Variants in EPM2A observed in about 807,000 individuals in gnomAD.
The protein encoded by EPM2A is EPM2A glucan phosphatase, laforin.
EPM2A carries 21 observed loss-of-function variants against 26.5 expected under a neutral mutation model. The observed-to-expected ratio is 0.79, with a 90% CI of 0.56 to 1.14. The LOEUF is 1.14. Ranked by LOEUF, EPM2A falls within the 50% of genes most tolerant of loss-of-function variation. EPM2A has a pLI of 0.00. For missense variants in EPM2A, 458 were observed against 440.8 expected, an observed-to-expected ratio of 1.04 and a Z score of -0.35; for synonymous variants, 217 against 177.6, an observed-to-expected ratio of 1.22 and a Z score of -1.76.
intron 4 of EPM2A, among the ~76,000 whole-genome samples, chr6:145,442,595 T>C (rs1779079354): frequency 2.0e-5 from 3 of 152,184 alleles, no homozygotes; most frequent in Admixed American, 2.0e-4. Context: ...CATTGGGTCC[T>C]TCCACAGCTC....
intron 2 of EPM2A, among the ~76,000 whole-genome samples, chr6:145,664,794 A>G (rs1431902892): frequency 1.3e-5 from 2 of 152,002 alleles, no homozygotes; most frequent in African/African-American, 4.8e-5. Flanking sequence ...GTAAAAGAAC[A>G]GAAATTATAA....
chr6:145,706,760 T>C (rs1022756175), intron 1 of EPM2A, among the ~76,000 whole-genome samples: 4 of 152,236 alleles, frequency 2.6e-5, no homozygotes, highest in African/African-American at 9.6e-5. Flanking sequence ...TAATTTTATA[T>C]TGTATAATTG....
chr6:145,474,678 A>G (rs1779520142), intron 4 of EPM2A, among the ~76,000 whole-genome samples: 1 of 152,190 alleles, frequency 6.6e-6, no homozygotes. Context: ...CAGATTGAAC[A>G]GGCAACCTAC....
chr6:145,546,574 T>G (rs962712274), intron 2 of EPM2A, among the ~76,000 whole-genome samples: 5 of 152,138 alleles, frequency 3.3e-5, no homozygotes, highest in African/African-American at 1.2e-4. Context: ...ACATCACAAT[T>G]GTAATTAATT....
chr6:145,688,893 A>G (rs55852409), intron 1 of EPM2A, among the ~76,000 whole-genome samples: 1 of 152,212 alleles, frequency 6.6e-6, no homozygotes, highest in African/African-American at 2.4e-5. Flanking sequence ...GATGGAGGGG[A>G]ACTGTCATAG....
intron 2 of EPM2A, among the ~76,000 whole-genome samples, chr6:145,676,598 T>C (rs1377389737): frequency 1.3e-5 from 2 of 151,694 alleles, no homozygotes; most frequent in African/African-American, 4.8e-5. Context: ...AAAGAAGATA[T>C]CACCACCGAT....
intron 2 of EPM2A, among the ~76,000 whole-genome samples, chr6:145,562,993 G>A (rs905737632): frequency 6.6e-6 from 1 of 151,440 alleles, no homozygotes; most frequent in Non-Finnish European, 1.5e-5. Flanking sequence ...AAGCCACACA[G>A]GCATTGAGAG....
At chr6:145,717,157 A>G (rs1043190598) in intron 1 of EPM2A, among the ~76,000 whole-genome samples, 4 of 152,154 alleles carry the variant, frequency 2.6e-5, no homozygotes, top group African/African-American at 9.7e-5. Context: ...GGGCAGAGAC[A>G]CAACCAAAAA....
At chr6:145,487,151 C>A (rs1214741535) in intron 4 of EPM2A, among the ~76,000 whole-genome samples, 1 of 152,134 alleles carries the variant, frequency 6.6e-6, no homozygotes, top group African/African-American at 2.4e-5. Context: ...TGCATCCATG[C>A]CCTTGCAAAG....
At chr6:145,525,172 C>T (rs1780253809) in intron 2 of EPM2A, among the ~76,000 whole-genome samples, 1 of 151,872 alleles carries the variant, frequency 6.6e-6, no homozygotes, top group African/African-American at 2.4e-5. Flanking sequence ...TTTACTGCAG[C>T]CTTACAGTAC....
At chr6:145,404,106 T>G (rs868273447) in intron 4 of EPM2A, among the ~76,000 whole-genome samples, 8 of 152,084 alleles carry the variant, frequency 5.3e-5, no homozygotes, top group Admixed American at 3.3e-4. Context: ...ATTTTTTTTA[T>G]CAGATTATTA....
intron 1 of EPM2A, among the ~76,000 whole-genome samples, chr6:145,715,883 A>G (rs1257654928): frequency 6.6e-6 from 1 of 152,192 alleles, no homozygotes; most frequent in African/African-American, 2.4e-5. Context: ...GAGTTGTATA[A>G]TTATTTCATT....
chr6:145,543,174 T>C (rs1044436818), intron 2 of EPM2A, among the ~76,000 whole-genome samples: 3 of 152,174 alleles, frequency 2.0e-5, no homozygotes, highest in African/African-American at 7.2e-5. Context: ...AATATGGCCT[T>C]AAAAAAGATA....
intron 2 of EPM2A, among the ~76,000 whole-genome samples, chr6:145,543,797 A>T (rs891764633): frequency 1.3e-5 from 2 of 151,998 alleles, no homozygotes; most frequent in African/African-American, 4.8e-5. Context: ...CCACTGGGCC[A>T]TTTTCCCCCT....
In EPM2A at chr6:145,517,993, A is replaced by T. The variant is rs567059008; in HGVS notation, c.341-15418T>A. On this transcript the variant is annotated intron_variant, in intron 2 of 3. Coordinates refer to the EPM2A transcript ENST00000450221. Reference sequence around the variant, plus strand: ...GAGATTCCTAAGGCCACGCCAATTGATAACCACTTAAAAGTTTTGCCTCCT... The same window carrying T: ...GAGATTCCTAAGGCCACGCCAATTGTTAACCACTTAAAAGTTTTGCCTCCT... 1.1e-3 allele frequency among the ~76,000 whole-genome samples: 173 copies of T among 152,326 alleles called. 1 individual carries two copies. Among genetic ancestry groups the T allele is most frequent in the African/African-American group, 4.0e-3 (167 of 41,568 alleles).
chr6:145,478,719 TG>T (rs1360776478), intron 4 of EPM2A, among the ~76,000 whole-genome samples: 3 of 151,798 alleles, frequency 2.0e-5, no homozygotes, highest in African/African-American at 7.2e-5. Flanking sequence ...TATTTTTAGT[TG>T]TTATAGTTGT....
At chr6:145,566,634 G>A (rs1007969774) in intron 2 of EPM2A, among the ~76,000 whole-genome samples, 1 of 152,176 alleles carries the variant, frequency 6.6e-6, no homozygotes, top group Non-Finnish European at 1.5e-5. Flanking sequence ...ATAAGCTTAA[G>A]AGAGCAAAAA....
At chr6:145,651,583 C>A (rs117610178) in intron 2 of EPM2A, among the ~76,000 whole-genome samples, 2,356 of 152,268 alleles carry the variant, frequency 0.015, 28 homozygotes, top group Non-Finnish European at 0.023. Flanking sequence ...TAACGAAATG[C>A]CTTCTGTATC....
At chr6:145,495,565 C>T (rs751132274) in intron 4 of EPM2A, among the ~76,000 whole-genome samples, 16 of 150,830 alleles carry the variant, frequency 1.1e-4, no homozygotes, top group South Asian at 4.2e-4. Context: ...CTTGTTTATG[C>T]GGATGCTTTA....
Sources: gnomAD v4.1 joint callset for allele counts (sites outside exome capture counted in the v4.1 genomes callset) on GRCh38, gnomAD v4.1.1 for gene constraint, MANE v1.5 for transcripts, NCBI Gene and HGNC (gene_info 2026-07-23, HGNC 2026-07-21) for gene names.